The following GALNT16 variants were observed in gnomAD, a reference collection of about 807,000 sequenced individuals.
GALNT16 encodes UDP-GalNAc:polypeptide N-acetylgalactosaminyltransferase-like protein 1.
Under a neutral mutation model 76.1 loss-of-function variants are expected in GALNT16, and 40 were observed. The observed-to-expected ratio is 0.53, with a 90% CI of 0.41 to 0.68. The LOEUF is 0.68. Among genes scored for constraint, GALNT16 ranks in the 30% least tolerant of loss-of-function variants. The pLI is 0.00. For synonymous variants in GALNT16, 276 were observed against 285.2 expected (o/e 0.97, Z 0.32); for missense variants, 621 against 731.9 (o/e 0.85, Z 1.75).
chr14:69,339,445 C>T, intron 10 of GALNT16, 82 bp from the exon 11 acceptor site: 1 of 846,024 alleles, frequency 1.2e-6, no homozygotes, highest in Non-Finnish European at 2.1e-6. Flanking sequence ...GTCCTGTATT[C>T]ATGGATCGAT....
intron 1 of GALNT16, among the ~76,000 whole-genome samples, chr14:69,268,848 G>A (rs1055402223): frequency 1.3e-5 from 2 of 152,184 alleles, no homozygotes; most frequent in Admixed American, 1.3e-4. Flanking sequence ...CGGACATCTA[G>A]GGAGACAGTG....
the GALNT16 span, among the ~76,000 whole-genome samples, chr14:69,366,804 T>A: frequency 6.6e-6 from 1 of 152,164 alleles, no homozygotes; most frequent in Non-Finnish European, 1.5e-5. Context: ...GAACCTATGA[T>A]TTAGAAGGCA....
intron 6 of GALNT16, 99 bp downstream of exon 6, chr14:69,328,670 A>G (rs2045316463): frequency 1.5e-6 from 2 of 1,300,950 alleles, no homozygotes; most frequent in African/African-American, 1.5e-5. Flanking sequence ...CTGGGCAGGC[A>G]TCGTAGGAAG....
chr14:69,342,184 A>T (rs2045496296), intron 12 of GALNT16, among the ~76,000 whole-genome samples: 1 of 152,106 alleles, frequency 6.6e-6, no homozygotes. Context: ...ACAGTGGGTT[A>T]TGCCTGTAAT....
chr14:69,369,723 C>A, the GALNT16 span, among the ~76,000 whole-genome samples: 3 of 152,184 alleles, frequency 2.0e-5, no homozygotes, highest in Non-Finnish European at 4.4e-5. Context: ...ACCTCAGGGA[C>A]TAGTGGCTCC....
Position 69,322,926 on chromosome 14 carries a change from GTGTGTGTGTGTGT to G in GALNT16, c.336-1765_336-1753del, listed in dbSNP as rs765545990. On this transcript the variant is annotated intron_variant, in intron 2 of 14. Transcript: ENST00000448469. ...AAAGAAAGCTGAGGTGGCTCACGGG[GTGTGTGTGTGTGT>G]GTGTGTGTGTGTGTGTGTGTGTGTG... Among the ~76,000 whole-genome samples, 20 of 27,726 alleles carry G rather than the reference GTGTGTGTGTGTGT, an allele frequency of 7.2e-4. No individual in the cohort carries two copies. In the East Asian group the frequency reaches 8.7e-3, roughly 12 times the overall value. 18.2% of individuals were successfully genotyped at this position (27,726 alleles called of 152,430 possible). A position where few individuals can be genotyped will look rare whatever the true frequency, so the allele number is the denominator to read the frequency against.
At chr14:69,345,882 AATTTT>A (rs140314141) in intron 12 of GALNT16, among the ~76,000 whole-genome samples, 8,638 of 151,774 alleles carry the variant, frequency 0.057, 843 homozygotes, top group African/African-American at 0.2. Flanking sequence ...CATTTTTTAA[AATTTT>A]ATTTTATTTA....
chr14:69,274,593 A>G (rs1465000432), intron 1 of GALNT16, among the ~76,000 whole-genome samples: 4 of 152,148 alleles, frequency 2.6e-5, no homozygotes, highest in African/African-American at 9.7e-5. Flanking sequence ...CTTCGTAGTA[A>G]TGCATCTTAA....
rs1404704295 is a variant in GALNT16 at position 69,261,155 on chromosome 14, A to G, written c.177+688A>G. 6.6e-6 allele frequency among the ~76,000 whole-genome samples: 1 copy of G among 151,950 alleles called. No homozygotes were observed. The highest frequency in any genetic ancestry group is 1.9e-4 in the East Asian group (1 of 5,142). ...CGCCCGAACTTGGCGATACCCTTGC[A>G]TGAAGTCAGCCTCGCGACATCTAAG... is the stretch of plus-strand genomic sequence containing the variant. On this transcript the variant is annotated intron_variant, in intron 1 of 14. Coordinates refer to ENST00000448469, the MANE Select transcript of GALNT16 (RefSeq NM_001168368.2). The surrounding 1 kb of genome is among the most constrained non-coding windows in gnomAD (Gnocchi z 6.4).
At chr14:69,302,189 A>G (rs567030274) in intron 1 of GALNT16, among the ~76,000 whole-genome samples, 1 of 152,336 alleles carries the variant, frequency 6.6e-6, no homozygotes, top group Non-Finnish European at 1.5e-5. Flanking sequence ...GTCATCTGAG[A>G]AGGTAGATAT....
At chr14:69,315,456 C>A (rs866567457) in intron 1 of GALNT16, among the ~76,000 whole-genome samples, 1 of 152,180 alleles carries the variant, frequency 6.6e-6, no homozygotes, top group Non-Finnish European at 1.5e-5. Context: ...CTCACCATCT[C>A]CCCAACCTTC....
intron 1 of GALNT16, chr14:69,298,715 G>T (rs1453837384): frequency 6.6e-6 from 1 of 152,336 alleles, no homozygotes; most frequent in Non-Finnish European, 1.5e-5. Context: ...TAATAAGCCA[G>T]ATCTGGGGGC....
At chr14:69,308,595 A>G (rs763429167) in intron 1 of GALNT16, among the ~76,000 whole-genome samples, 2 of 152,354 alleles carry the variant, frequency 1.3e-5, no homozygotes, top group African/African-American at 4.8e-5. Context: ...AAAATAATGC[A>G]GTAATTAATA....
intron 11 of GALNT16, among the ~76,000 whole-genome samples, chr14:69,340,764 G>A (rs886600037): frequency 6.6e-6 from 1 of 152,190 alleles, no homozygotes; most frequent in Admixed American, 6.5e-5. Context: ...GAGATTACAG[G>A]CATGAGCCAC....
chr14:69,260,933 C>A (rs2044261062), intron 1 of GALNT16, among the ~76,000 whole-genome samples: 1 of 151,998 alleles, frequency 6.6e-6, no homozygotes, highest in Non-Finnish European at 1.5e-5. Context: ...CGGGTGGGGG[C>A]GTGGGTAGGG....
chr14:69,378,885 G>C, the GALNT16 span, among the ~76,000 whole-genome samples: 1 of 152,018 alleles, frequency 6.6e-6, no homozygotes, highest in Non-Finnish European at 1.5e-5. Context: ...ATGAAAAACA[G>C]GACAATCAGA....
chr14:69,312,714 C>A (rs575783015), intron 1 of GALNT16, among the ~76,000 whole-genome samples: 14 of 152,296 alleles, frequency 9.2e-5, no homozygotes, highest in African/African-American at 3.1e-4. Flanking sequence ...CATGTCCAGG[C>A]CAAGGAGTGA....
chr14:69,367,866 A>G, the GALNT16 span, among the ~76,000 whole-genome samples: 1 of 152,080 alleles, frequency 6.6e-6, no homozygotes, highest in South Asian at 2.1e-4. Context: ...GGTGCTGCAC[A>G]GCTTTAGTCC....
chr14:69,384,002 GT>G, the GALNT16 span, among the ~76,000 whole-genome samples: 1 of 151,848 alleles, frequency 6.6e-6, no homozygotes, highest in African/African-American at 2.4e-5. Flanking sequence ...TTTTTATAAA[GT>G]CTAGTACAAA....
Sources: allele counts gnomAD v4.1 joint callset (sites outside exome capture counted in the v4.1 genomes callset), GRCh38; gene constraint gnomAD v4.1.1; non-coding constraint Gnocchi (gnomAD v3.1); transcripts MANE v1.5; gene names NCBI Gene and HGNC (gene_info 2026-07-23, HGNC 2026-07-21).